Variants in TRPC4 observed in about 807,000 individuals in gnomAD.
TRPC4 encodes short transient receptor potential channel 4.
In TRPC4, 49 loss-of-function variants were observed where a neutral mutation model predicts 99.4. The ratio of observed to expected loss-of-function variants is 0.49; its 90% CI spans 0.39 to 0.63. The LOEUF (loss-of-function observed/expected upper bound fraction) is 0.63, where lower values mean the gene tolerates loss of function less well. TRPC4 is among the 20% of genes least tolerant of loss of function. The pLI, the probability that TRPC4 is intolerant of heterozygous loss-of-function variation, is 0.00. For missense variants in TRPC4, 898 were observed against 1,152.9 expected (o/e 0.78, Z 3.20); for synonymous variants, 454 against 425.9 (o/e 1.07, Z -0.81).
intron 1 of TRPC4, among the ~76,000 whole-genome samples, chr13:37,839,117 T>C (rs1409376754): frequency 2.0e-5 from 3 of 152,292 alleles, no homozygotes; most frequent in African/African-American, 4.8e-5. Flanking sequence ...AGTAGTAGTA[T>C]TGATATTTTA....
intron 6 of TRPC4, among the ~76,000 whole-genome samples, chr13:37,656,621 A>G (rs1043655011): frequency 6.6e-6 from 1 of 152,184 alleles, no homozygotes; most frequent in African/African-American, 2.4e-5. Flanking sequence ...AAAGATCAGA[A>G]TTCCCCTCTA....
At chr13:37,803,529 T>C (rs1364636102) in intron 1 of TRPC4, among the ~76,000 whole-genome samples, 1 of 152,068 alleles carries the variant, frequency 6.6e-6, no homozygotes, top group African/African-American at 2.4e-5. Flanking sequence ...ACAATTCATG[T>C]TTTCATTTCT....
At chr13:37,737,623 G>T (rs1469093790) in intron 3 of TRPC4, among the ~76,000 whole-genome samples, 1 of 151,996 alleles carries the variant, frequency 6.6e-6, no homozygotes, top group African/African-American at 2.4e-5. Context: ...ACAGGCACAT[G>T]CCACCATGCC....
intron 5 of TRPC4, among the ~76,000 whole-genome samples, chr13:37,669,329 G>C (rs17056424): frequency 0.012 from 1,763 of 152,258 alleles, 41 homozygotes; most frequent in African/African-American, 0.041. Context: ...TGAAACTGAA[G>C]TAACGTTTTA....
rs556299099 is a variant in TRPC4, at chr13:37,658,386, A to T, written c.1689-3103T>A. Among the ~76,000 whole-genome samples the T allele has an allele frequency of 3.3e-5, 5 of 152,270 alleles. No homozygotes were observed. The East Asian group carries it at 9.7e-4, about 29-fold the overall frequency. ...TTTATACAATTAGCTTGTTTCCCTG[A>T]TTATATATTTACAGCCAGAAGAATT... On this transcript the variant is annotated intron_variant, in intron 6 of 10. Transcript: ENST00000379705.
At chr13:37,749,991 C>A (rs1175127899) in intron 2 of TRPC4, among the ~76,000 whole-genome samples, 2 of 152,082 alleles carry the variant, frequency 1.3e-5, no homozygotes, top group Non-Finnish European at 2.9e-5. Flanking sequence ...TGTTACTCTT[C>A]TCAGTTATTA....
intron 8 of TRPC4, among the ~76,000 whole-genome samples, chr13:37,648,067 T>C (rs1349336465): frequency 2.6e-5 from 4 of 152,066 alleles, no homozygotes; most frequent in African/African-American, 7.2e-5. Context: ...CTCAGCCTCC[T>C]GAGTAGCTGG....
intron 2 of TRPC4, among the ~76,000 whole-genome samples, chr13:37,766,216 AC>A (rs1434475468): frequency 6.6e-6 from 1 of 151,494 alleles, no homozygotes; most frequent in African/African-American, 2.4e-5. Flanking sequence ...ACAATACATT[AC>A]AAGAGAATTC....
At chr13:37,813,275 T>C (rs1181683140) in intron 1 of TRPC4, among the ~76,000 whole-genome samples, 1 of 151,856 alleles carries the variant, frequency 6.6e-6, no homozygotes, top group Non-Finnish European at 1.5e-5. Context: ...AGGAAATTTA[T>C]ATTTGTGAAT....
At chr13:37,710,057 T>C (rs1028053021) in intron 3 of TRPC4, among the ~76,000 whole-genome samples, 3 of 151,968 alleles carry the variant, frequency 2.0e-5, no homozygotes, top group African/African-American at 7.2e-5. Flanking sequence ...GTCAAAGATA[T>C]ACAGCACATT....
intron 3 of TRPC4, among the ~76,000 whole-genome samples, chr13:37,745,485 CACACTT>C (rs1337461608): frequency 1.7e-5 from 2 of 119,748 alleles, no homozygotes; most frequent in Admixed American, 8.1e-5. Context: ...CACACACACA[CACACTT>C]ATATATACGT....
intron 1 of TRPC4, among the ~76,000 whole-genome samples, chr13:37,821,562 A>G (rs1958011995): frequency 6.6e-6 from 1 of 152,182 alleles, no homozygotes; most frequent in Non-Finnish European, 1.5e-5. Context: ...ACTTCAAACT[A>G]TACTACAAGG....
At chr13:37,826,449 G>C (rs1958213801) in intron 1 of TRPC4, among the ~76,000 whole-genome samples, 3 of 139,004 alleles carry the variant, frequency 2.2e-5, no homozygotes, top group African/African-American at 8.2e-5. Context: ...TCCTTCAGGA[G>C]CTCTTTTAGG....
chr13:37,818,842 C>A (rs996517750), intron 1 of TRPC4, among the ~76,000 whole-genome samples: 2 of 151,860 alleles, frequency 1.3e-5, no homozygotes, highest in African/African-American at 4.8e-5. Flanking sequence ...AGGAGAAATA[C>A]CTAATGTAGA....
At chr13:37,764,343 T>C (rs757863158) in intron 2 of TRPC4, among the ~76,000 whole-genome samples, 9 of 151,276 alleles carry the variant, frequency 5.9e-5, no homozygotes, top group Non-Finnish European at 1.2e-4. Flanking sequence ...TATATAATTT[T>C]AAATTATAAT....
At chr13:37,858,409 C>A (rs547820027) in intron 1 of TRPC4, among the ~76,000 whole-genome samples, 1 of 151,586 alleles carries the variant, frequency 6.6e-6, no homozygotes, top group East Asian at 1.9e-4. Context: ...GCAATTCCAG[C>A]AATCCCACTG....
chr13:37,830,914 G>A (rs114500929), intron 1 of TRPC4, among the ~76,000 whole-genome samples: 3,869 of 150,768 alleles, frequency 0.026, 98 homozygotes, highest in African/African-American at 0.072. Flanking sequence ...ATCATATGAA[G>A]GCAGACTGTG....
chr13:37,657,612 T>C (rs1952279935), intron 6 of TRPC4, among the ~76,000 whole-genome samples: 1 of 152,200 alleles, frequency 6.6e-6, no homozygotes, highest in African/African-American at 2.4e-5. Context: ...TTAAATATTA[T>C]AAGTTATACA....
intron 1 of TRPC4, among the ~76,000 whole-genome samples, chr13:37,806,518 C>T (rs531797771): frequency 2.2e-4 from 34 of 152,116 alleles, no homozygotes; most frequent in Middle Eastern, 3.4e-3. Flanking sequence ...AAACCCTTAT[C>T]GATACCACAG....
Sources: gnomAD v4.1 joint callset for allele counts (sites outside exome capture counted in the v4.1 genomes callset) on GRCh38, gnomAD v4.1.1 for gene constraint, MANE v1.5 for transcripts, NCBI Gene and HGNC (gene_info 2026-07-23, HGNC 2026-07-21) for gene names.